DMP1: variants seen among roughly 807,000 people sequenced by gnomAD.
DMP1 encodes the protein dentin matrix protein 1.
In DMP1, 20 loss-of-function variants were observed where a neutral mutation model predicts 14.6. The observed-to-expected ratio is 1.37, with a 90% CI of 0.96 to 1.99. The LOEUF (loss-of-function observed/expected upper bound fraction) is 1.99. Among genes scored for constraint, DMP1 ranks in the 30% most tolerant of loss-of-function variants. DMP1 has a pLI of 0.00. For synonymous variants in DMP1, 197 were observed against 215.3 expected, an observed-to-expected ratio of 0.91 and a Z score of 0.75; for missense variants, 567 against 620.5, an observed-to-expected ratio of 0.91 and a Z score of 0.92.
intron 3 of DMP1, 49 bp downstream of exon 3, chr4:87,657,128 G>T: frequency 1.9e-6 from 2 of 1,073,214 alleles, no homozygotes; most frequent in South Asian, 2.7e-5. Flanking sequence ...AATTTATTAT[G>T]AGTATAACCA....
chr4:87,659,100 T>C, intron 3 of DMP1, 120 bp from the exon 4 acceptor site: 1 of 1,016,900 alleles, frequency 9.8e-7, no homozygotes, highest in Non-Finnish European at 1.5e-6. Context: ...ATTACTCATG[T>C]AAATGTAAGA....
At position 87,662,816 on chromosome 4, in the gene DMP1, G is replaced by A; in HGVS notation, c.1038G>A (p.Leu346=). Residue 346 remains leucine (L), a synonymous_variant, in exon 6 of 6, where the codon CTG becomes CTA. Coordinates refer to ENST00000339673, the MANE Select transcript of DMP1 (RefSeq NM_004407.4). ...PSSESSQEAN[L]SSQENSSESQ... ...GTGAGTCCAGCCAAGAGGCCAACCT[G>A]TCATCTCAAGAGAACAGCAGTGAGT... The A allele has an allele frequency of 1.9e-6, 3 of 1,612,626 alleles. No homozygotes were observed. The highest frequency in any genetic ancestry group is 1.1e-5 in the South Asian group (1 of 91,046).
Position 87,656,503 on chromosome 4 carries a change from G to C in DMP1, c.11G>C (p.Ser4Thr), listed in dbSNP as rs373562639. MKI[S>T]ILLMFLWGLS... ...GTATCACACCCAACTATGAAGATCA[G>C]CATCCTGCTCATGTTCCTTTGGGGA... is the stretch of plus-strand genomic sequence containing the variant. Residue 4 changes from serine (S) to threonine (T), a missense_variant, in exon 2 of 6, where the codon AGC becomes ACC. Coordinates refer to ENST00000339673, the MANE Select transcript of DMP1 (RefSeq NM_004407.4). The C allele has an allele frequency of 3.9e-5, 62 of 1,608,824 alleles. No homozygotes were observed. Among genetic ancestry groups the C allele is most frequent in the Non-Finnish European group, 4.8e-5 (56 of 1,175,390 alleles).
At chr4:87,659,519 G>A (rs1728796368) in intron 5 of DMP1, 41 bp downstream of exon 5, 1 of 1,563,990 alleles carries the variant, frequency 6.4e-7, no homozygotes, top group Non-Finnish European at 8.8e-7. Context: ...GGCTACTTAG[G>A]AATGGAAGGA....
At chr4:87,653,407 A>ATATATATAATATATATATATAT (rs1560489285) in intron 1 of DMP1, among the ~76,000 whole-genome samples, 2 of 104,196 alleles carry the variant, frequency 1.9e-5, no homozygotes, top group Non-Finnish European at 4.0e-5. Context: ...ATATATATAT[A>ATATATATAATATATATATATAT]TATATATATA....
Position 87,659,830 on chromosome 4 carries a change from G to C in DMP1, c.183+352G>C, listed in dbSNP as rs1305794213. 2.0e-5 allele frequency among the ~76,000 whole-genome samples: 3 copies of C among 152,166 alleles called. No homozygotes were observed. The East Asian group carries it at 5.8e-4, about 29-fold the overall frequency. On this transcript the variant is annotated intron_variant, in intron 5 of 5. Transcript: ENST00000339673. Reference sequence around the variant, plus strand: ...TTAAAATGTTGCTTTTACAATTGGAGCAGTTCAGCTCAGGTGAAGAAGTGC... The same window carrying C: ...TTAAAATGTTGCTTTTACAATTGGACCAGTTCAGCTCAGGTGAAGAAGTGC...
chr4:87,662,995 G>T lies in DMP1; in HGVS notation c.1217G>T (p.Ser406Ile), dbSNP rs758946146. The stretch of plus-strand genomic sequence containing the variant: ...GAATCCAGAGAGGAGCAAGCAGACA[G>T]CGAATCCAGTGAGAGCCTCAACTTC... Reference protein sequence around the residue: ...KSESREEQADSESSESLNFSE... With the variant: ...KSESREEQADIESSESLNFSE... The change falls in exon 6 of 6, where the codon AGC becomes ATC. Residue 406 changes from serine (S) to isoleucine (I), a missense_variant. Physicochemically the swap from Ser to Ile is moderately radical, Grantham distance 142. Coordinates refer to ENST00000339673, the MANE Select transcript of DMP1 (RefSeq NM_004407.4). 6.2e-7 allele frequency: 1 copy of T among 1,614,198 alleles called. No individual in the cohort carries two copies. Among genetic ancestry groups the T allele is most frequent in the South Asian group, 1.1e-5 (1 of 91,090 alleles).
At chr4:87,653,458 C>T (rs959068624) in intron 1 of DMP1, among the ~76,000 whole-genome samples, 13 of 129,564 alleles carry the variant, frequency 1.0e-4, no homozygotes, top group Non-Finnish European at 1.7e-4. Context: ...TAGGGTCTTG[C>T]TCTGTCACCC....
chr4:87,653,904 C>A (rs186340777), intron 1 of DMP1, among the ~76,000 whole-genome samples: 126 of 152,230 alleles, frequency 8.3e-4, no homozygotes, highest in Non-Finnish European at 1.5e-3. Flanking sequence ...TTTTATGTGA[C>A]ACAGGAGCCT....
chr4:87,651,800 A>T (rs1728536542), intron 1 of DMP1, among the ~76,000 whole-genome samples: 1 of 152,146 alleles, frequency 6.6e-6, no homozygotes, highest in African/African-American at 2.4e-5. Context: ...TAAGACAAAT[A>T]AAGCAAATTA....
rs2110016341 is a variant in DMP1 at position 87,662,130 on chromosome 4, G to A, written c.352G>A (p.Asp118Asn). 6.2e-7 allele frequency: 1 copy of A among 1,614,222 alleles called. No homozygotes were observed. Among genetic ancestry groups the A allele is most frequent in the Admixed American group, 1.7e-5 (1 of 60,028 alleles). Residue 118 changes from aspartate (D) to asparagine (N), a missense_variant, in exon 6 of 6, where the codon GAC becomes AAC. Coordinates refer to ENST00000339673, the MANE Select transcript of DMP1 (RefSeq NM_004407.4). Reference protein sequence around the residue: ...DSGDDTFGDDDSGPGPKDRQE... With the variant: ...DSGDDTFGDDNSGPGPKDRQE... ...TGGAGATGACACCTTTGGTGACGAT[G>A]ACAGTGGCCCAGGGCCCAAAGACAG... is the stretch of plus-strand genomic sequence containing the variant.
Position 87,661,963 on chromosome 4 carries a change from C to A in DMP1, c.185C>A (p.Ala62Glu), listed in dbSNP as rs776603721. ...ATATCTGTTAACCCCAAATTCTAGG[C>A]AAATGAAGACCCCAGTGACAGCACT... The part of the protein sequence containing the change: ...EGSKVSSEEQ[A>E]NEDPSDSTQS... The change falls in exon 6 of 6, where the codon GCA becomes GAA. Residue 62 changes from alanine (A) to glutamate (E), a missense_variant and splice_region_variant. Physicochemically the swap from Ala to Glu is moderately radical, Grantham distance 107 (BLOSUM62 -1). Transcript: ENST00000339673. The A allele has an allele frequency of 9.3e-6, 15 of 1,613,972 alleles. No individual in the cohort carries two copies. Among genetic ancestry groups the A allele is most frequent in the Middle Eastern group, 1.6e-4 (1 of 6,084 alleles).
rs552537339 is a variant in DMP1, at chr4:87,650,306, T to C, written c.-100T>C. 5 of 152,334 alleles carry C rather than the reference T, an allele frequency of 3.3e-5. No homozygotes were observed. Among genetic ancestry groups the C allele is most frequent in the South Asian group, 2.1e-4 (1 of 4,830 alleles). The allele number at this position is 152,334 out of a possible 1,614,324, so 9.4% of individuals were successfully genotyped here. On this transcript the variant is annotated 5_prime_UTR_variant, in exon 1 of 6. Transcript: ENST00000339673. ...GAATATCAACACAAGAGTGGCTTCA[T>C]TGGGCATAGATTTCCTCTTTGAGAA...
In DMP1 at chr4:87,664,140, G is replaced by A. The variant is rs530594162; in HGVS notation, c.*820G>A. 4 of 152,362 alleles carry A rather than the reference G, an allele frequency of 2.6e-5. No individual in the cohort carries two copies. Among genetic ancestry groups the A allele is most frequent in the Non-Finnish European group, 5.9e-5 (4 of 67,992 alleles). 9.4% of individuals were successfully genotyped at this position (152,362 alleles called of 1,614,324 possible). A position where few individuals can be genotyped will look rare whatever the true frequency, so the allele number is the denominator to read the frequency against. The stretch of plus-strand genomic sequence containing the variant: ...GTGATGATAAGAAGGATTGGGTCAG[G>A]AAGAGTGGGAGAAAGAAATTCCTCT... On this transcript the variant is annotated 3_prime_UTR_variant, in exon 6 of 6. Transcript: ENST00000339673.
intron 2 of DMP1, 145 bp downstream of exon 2, chr4:87,656,691 T>A (rs931795480): frequency 2.7e-6 from 2 of 733,302 alleles, no homozygotes; most frequent in African/African-American, 3.5e-5. Flanking sequence ...TTAAGAAATA[T>A]CATTCAAGGT....
At chr4:87,660,709 GACTTCCCACGTAGC>G (rs1208144288) in intron 5 of DMP1, 2 of 152,160 alleles carry the variant, frequency 1.3e-5, no homozygotes, top group Admixed American at 1.3e-4. Flanking sequence ...TCACCTCTCT[GACTTCCCACGTAGC>G]ACTAAGTTGC....
intron 5 of DMP1, among the ~76,000 whole-genome samples, chr4:87,661,482 A>T (rs1035768885): frequency 2.0e-5 from 3 of 151,266 alleles, no homozygotes; most frequent in African/African-American, 7.3e-5. Context: ...TCGGCCTCCC[A>T]AAGTGCTGGG....
intron 1 of DMP1, among the ~76,000 whole-genome samples, chr4:87,653,127 G>C (rs189574481): frequency 7.0e-6 from 1 of 142,180 alleles, no homozygotes; most frequent in Non-Finnish European, 1.5e-5. Context: ...CAAACATAAG[G>C]ACTGATATAC....
At position 87,659,237 on chromosome 4, in the gene DMP1, A is replaced by C. The variant is rs1268877090; in HGVS notation, c.120A>C (p.Ala40=). Residue 40 remains alanine (A), a synonymous_variant, in exon 4 of 6, where the codon GCA becomes GCC. Transcript: ENST00000339673. ...TTTTGCAGGGTCATTTGGCTCAGGC[A>C]CCAACACCACCCTTGGTAACTATCT... ...SEEWKGHLAQ[A]PTPPLESSES... is the part of the protein sequence containing the mutation. 1 of 1,613,970 alleles carries C rather than the reference A, an allele frequency of 6.2e-7. No homozygotes were observed.
Sources: gnomAD v4.1 joint callset for allele counts (sites outside exome capture counted in the v4.1 genomes callset) on GRCh38, gnomAD v4.1.1 for gene constraint, MANE v1.5 for transcripts, NCBI Gene and HGNC (gene_info 2026-07-23, HGNC 2026-07-21) for gene names.